The following SLC9A2 variants were observed in gnomAD, a reference collection of about 807,000 sequenced individuals.
SLC9A2 encodes the protein sodium/hydrogen exchanger 2.
In SLC9A2, 42 loss-of-function variants were observed where a neutral mutation model predicts 71.7. That is an observed-to-expected ratio of 0.59 (90% CI 0.46 to 0.76). SLC9A2 has a LOEUF of 0.76. SLC9A2 is among the 30% of genes least tolerant of loss of function. SLC9A2 has a pLI of 0.00. For synonymous variants in SLC9A2, 396 were observed against 392.5 expected (o/e 1.01, Z -0.10); for missense variants, 829 against 1,017.4 (o/e 0.81, Z 2.52).
At chr2:102,682,443 T>C (rs1450557439) in intron 3 of SLC9A2, among the ~76,000 whole-genome samples, 3 of 152,192 alleles carry the variant, frequency 2.0e-5, no homozygotes, top group Non-Finnish European at 4.4e-5. Flanking sequence ...ACTGGAATTC[T>C]CCACTGAGGG....
At chr2:102,683,550 TC>T in intron 4 of SLC9A2, 72 bp downstream of exon 4, 1 of 1,174,490 alleles carries the variant, frequency 8.5e-7, no homozygotes, top group Non-Finnish European at 1.2e-6. Context: ...CTTTTGTCAT[TC>T]CCTTTCTGCT....
At chr2:102,645,491 T>C (rs888781961) in intron 1 of SLC9A2, among the ~76,000 whole-genome samples, 1 of 151,928 alleles carries the variant, frequency 6.6e-6, no homozygotes, top group Non-Finnish European at 1.5e-5. Flanking sequence ...AGGTAGGTAA[T>C]AACAAACTCC....
intron 2 of SLC9A2, among the ~76,000 whole-genome samples, chr2:102,662,603 G>A (rs1288330329): frequency 1.3e-5 from 2 of 152,178 alleles, no homozygotes; most frequent in Non-Finnish European, 2.9e-5. Flanking sequence ...AGCTTCAGCT[G>A]TGCCTTAGAA....
chr2:102,642,566 A>G (rs1474857247), intron 1 of SLC9A2, among the ~76,000 whole-genome samples: 2 of 151,952 alleles, frequency 1.3e-5, no homozygotes, highest in African/African-American at 4.8e-5. Flanking sequence ...TTGCTGAATT[A>G]TTTGCTGACA....
chr2:102,678,338 A>AAC lies in SLC9A2; in HGVS notation c.1005-4922_1005-4921insCA, dbSNP rs1553427537. Among the ~76,000 whole-genome samples, 742 of 151,972 alleles carry AAC rather than the reference A, an allele frequency of 4.9e-3. 8 individuals are homozygous for AAC. The highest frequency in any genetic ancestry group is 0.017 in the African/African-American group (720 of 41,392). ...CTAGGTATGGAAAATTAAAAAAAAAAAACAGAGAGAGAGAGACATGCATGA... is the reference window on the plus strand; with the variant it reads ...CTAGGTATGGAAAATTAAAAAAAAAAACAACAGAGAGAGAGAGACATGCATGA... On this transcript the variant is annotated intron_variant, in intron 3 of 11. Transcript: ENST00000233969.
chr2:102,685,626 G>T (rs1210487901), intron 5 of SLC9A2, among the ~76,000 whole-genome samples: 1 of 152,014 alleles, frequency 6.6e-6, no homozygotes, highest in Non-Finnish European at 1.5e-5. Context: ...TAGACATGTT[G>T]TGAGGGAAAG....
In SLC9A2 at chr2:102,671,234, G is replaced by A. The variant is rs114121936; in HGVS notation, c.1004+5884G>A. Among the ~76,000 whole-genome samples the A allele has an allele frequency of 9.3e-3, 1,413 of 151,796 alleles. 28 individuals are homozygous for A. Among genetic ancestry groups the A allele is most frequent in the African/African-American group, 0.033 (1,365 of 41,160 alleles). ...TTCTCTTCTCACTGGGTCATTGTAC[G>A]TTACATTGCCTTGACAAATAATAGT... On this transcript the variant is annotated intron_variant, in intron 3 of 11. Coordinates refer to ENST00000233969, the MANE Select transcript of SLC9A2 (RefSeq NM_003048.6).
At chr2:102,703,823 T>G (rs1236276036) in intron 9 of SLC9A2, among the ~76,000 whole-genome samples, 1 of 152,170 alleles carries the variant, frequency 6.6e-6, no homozygotes, top group Admixed American at 6.5e-5. Flanking sequence ...CAGCCCTAGT[T>G]TAGAAATTTT....
At chr2:102,622,575 TG>T (rs1676161661) in intron 1 of SLC9A2, among the ~76,000 whole-genome samples, 1 of 151,974 alleles carries the variant, frequency 6.6e-6, no homozygotes, top group African/African-American at 2.4e-5. Flanking sequence ...AATGAAAAAA[TG>T]GGGAGATTAA....
At chr2:102,620,182 G>A (rs1173896433) in intron 1 of SLC9A2, 45 bp downstream of exon 1, 3 of 1,540,086 alleles carry the variant, frequency 1.9e-6, no homozygotes, top group Non-Finnish European at 8.8e-7. Flanking sequence ...GCGATCTCGG[G>A]GGGACACCTG....
In SLC9A2 at chr2:102,619,872, G is replaced by A. The variant is rs762274165; in HGVS notation, c.24G>A (p.Arg8=). The A allele has an allele frequency of 6.5e-7, 1 of 1,549,004 alleles. No individual in the cohort carries two copies. The highest frequency in any genetic ancestry group is 2.3e-5 in the East Asian group (1 of 42,606). Residue 8 remains arginine (R), a synonymous_variant, in exon 1 of 12, where the codon AGG becomes AGA. Transcript: ENST00000233969. The surrounding 1 kb of genome is among the most constrained non-coding windows in gnomAD (Gnocchi z 4.3). ...CCATGGAACCACTGGGCAACTGGAG[G>A]AGCCTGCGGGCGCCACTGCCTCCGA... The part of the protein sequence containing the change: MEPLGNW[R]SLRAPLPPML...
chr2:102,688,132 A>AT (rs1259787449), intron 5 of SLC9A2, among the ~76,000 whole-genome samples: 1 of 152,002 alleles, frequency 6.6e-6, no homozygotes, highest in African/African-American at 2.4e-5. Context: ...ATTTGAGTTC[A>AT]TTTTTTTCCA....
At chr2:102,676,757 T>C (rs1415992256) in intron 3 of SLC9A2, among the ~76,000 whole-genome samples, 1 of 152,272 alleles carries the variant, frequency 6.6e-6, no homozygotes, top group African/African-American at 2.4e-5. Context: ...TCTGAGAGCA[T>C]GCAACGTGCC....
intron 3 of SLC9A2, among the ~76,000 whole-genome samples, chr2:102,683,055 TC>T (rs1677484392): frequency 6.6e-6 from 1 of 152,170 alleles, no homozygotes; most frequent in Non-Finnish European, 1.5e-5. Flanking sequence ...GCCGGGTAGT[TC>T]AGCCAGGGTT....
In SLC9A2 at chr2:102,709,863, G is replaced by A. The variant is rs1678070243; in HGVS notation, c.*1374G>A. 1 of 151,976 alleles carries A rather than the reference G, an allele frequency of 6.6e-6. No homozygotes were observed. Among genetic ancestry groups the A allele is most frequent in the Non-Finnish European group, 1.5e-5 (1 of 67,966 alleles). 9.4% of individuals were successfully genotyped at this position (151,976 alleles called of 1,614,324 possible). Reference sequence around the variant, plus strand: ...ACATGCCTCTGCATTTCTGAGTGTAGAAATTAAATGAAGCCACTCACAGTC... The same window carrying A: ...ACATGCCTCTGCATTTCTGAGTGTAAAAATTAAATGAAGCCACTCACAGTC... On this transcript the variant is annotated 3_prime_UTR_variant, in exon 12 of 12. Coordinates refer to ENST00000233969, the MANE Select transcript of SLC9A2 (RefSeq NM_003048.6).
At chr2:102,691,843 T>C (rs748748107) in intron 5 of SLC9A2, among the ~76,000 whole-genome samples, 2 of 152,106 alleles carry the variant, frequency 1.3e-5, no homozygotes, top group African/African-American at 2.4e-5. Context: ...GGAATCAACA[T>C]ATGGACTGGG....
chr2:102,677,084 A>G (rs528153519), intron 3 of SLC9A2, among the ~76,000 whole-genome samples: 34 of 152,364 alleles, frequency 2.2e-4, no homozygotes, highest in African/African-American at 7.9e-4. Context: ...TGGTACCACT[A>G]TAGGCACAGA....
At chr2:102,640,923 C>G (rs1424658009) in intron 1 of SLC9A2, among the ~76,000 whole-genome samples, 1 of 152,212 alleles carries the variant, frequency 6.6e-6, no homozygotes, top group African/African-American at 2.4e-5. Flanking sequence ...GTCTTGTAAG[C>G]TCTTATGTCT....
intron 9 of SLC9A2, among the ~76,000 whole-genome samples, chr2:102,704,336 C>CAAAATGAAAAG (rs1677930481): frequency 6.6e-6 from 1 of 151,976 alleles, no homozygotes; most frequent in African/African-American, 2.4e-5. Context: ...TAAAAAAACA[C>CAAAATGAAAAG]AAAATGAAAA....
Sources: gnomAD v4.1 joint callset for allele counts (sites outside exome capture counted in the v4.1 genomes callset) on GRCh38, gnomAD v4.1.1 for gene constraint, Gnocchi (gnomAD v3.1) non-coding constraint, MANE v1.5 for transcripts, NCBI Gene and HGNC (gene_info 2026-07-23, HGNC 2026-07-21) for gene names.